The following SCAPER variants were observed in gnomAD, a reference collection of about 807,000 sequenced individuals.
SCAPER encodes S-phase cyclin A associated protein in the ER.
In SCAPER, 98 loss-of-function variants were observed where a neutral mutation model predicts 182.2. The ratio of observed to expected loss-of-function variants is 0.54; its 90% CI spans 0.46 to 0.64. SCAPER has a LOEUF of 0.64. Ranked by LOEUF, SCAPER falls within the 30% of genes least tolerant of loss-of-function variation. The pLI is 0.00. For synonymous variants in SCAPER, 605 were observed against 564.6 expected, an observed-to-expected ratio of 1.07 and a Z score of -1.01; for missense variants, 1,432 against 1,690.0, an observed-to-expected ratio of 0.85 and a Z score of 2.68.
At position 76,841,751 on chromosome 15, in the gene SCAPER, T is replaced by A; in HGVS notation, c.376A>T (p.Ser126Cys). Residue 126 changes from serine (S) to cysteine (C), a missense_variant, in exon 5 of 32, where the codon AGT (serine) becomes TGT (cysteine). Coordinates refer to ENST00000563290, the MANE Select transcript of SCAPER (RefSeq NM_020843.4). ...AACCTTACCTTACATTCGACCACAC[T>A]CTGATCTGATTCGCAAGTTACATAG... ...EIYVTCESDQ[S>C]VVECKEVLMM... 1 of 1,613,866 alleles carries A rather than the reference T, an allele frequency of 6.2e-7. No homozygotes were observed.
intron 8 of SCAPER, chr15:76,793,200 C>T: frequency 3.5e-6 from 4 of 1,150,556 alleles, no homozygotes; most frequent in Non-Finnish European, 5.0e-6. Context: ...AGTTCTATAG[C>T]TACTGTTATT....
At chr15:76,854,424 G>A (rs1204180000) in intron 4 of SCAPER, among the ~76,000 whole-genome samples, 1 of 152,004 alleles carries the variant, frequency 6.6e-6, no homozygotes. Flanking sequence ...ATCTCCACAA[G>A]AAGAATTACA....
At chr15:76,673,346 G>A (rs1371735588) in intron 20 of SCAPER, among the ~76,000 whole-genome samples, 1 of 152,116 alleles carries the variant, frequency 6.6e-6, no homozygotes, top group Admixed American at 6.5e-5. Context: ...TAATGCTGGT[G>A]TCTCAGATTT....
intron 29 of SCAPER, among the ~76,000 whole-genome samples, chr15:76,359,234 T>C (rs2041227936): frequency 6.7e-6 from 1 of 150,060 alleles, no homozygotes; most frequent in South Asian, 2.2e-4. Context: ...CATCTCTCCA[T>C]AAGGACTACT....
chr15:76,600,352 A>G lies in SCAPER; in HGVS notation c.2711+21412T>C, dbSNP rs187894557. Among the ~76,000 whole-genome samples the G allele has an allele frequency of 2.9e-3, 341 of 117,774 alleles. 39 individuals carry two copies. The highest frequency in any genetic ancestry group is 8.0e-3 in the African/African-American group (313 of 39,152). 77.3% of individuals were successfully genotyped at this position (117,774 alleles called of 152,430 possible). The stretch of plus-strand genomic sequence containing the variant: ...TATAAACTTAAAATTAAGCAAAACT[A>G]ATAGAAAAATAGCATACTTGGAAAG... On this transcript the variant is annotated intron_variant, in intron 22 of 31. Coordinates refer to ENST00000563290, the MANE Select transcript of SCAPER (RefSeq NM_020843.4).
chr15:76,523,587 G>A (rs987313413), intron 23 of SCAPER, among the ~76,000 whole-genome samples: 6 of 151,860 alleles, frequency 4.0e-5, no homozygotes, highest in Admixed American at 3.9e-4. Context: ...AACATTTTTG[G>A]GCATCCACCC....
At chr15:76,765,202 T>C in intron 13 of SCAPER, 130 bp from the exon 14 acceptor site, 2 of 1,029,548 alleles carry the variant, frequency 1.9e-6, no homozygotes, top group South Asian at 3.4e-5. Flanking sequence ...GGGAAAGCTT[T>C]GTTACTTTTC....
intron 22 of SCAPER, among the ~76,000 whole-genome samples, chr15:76,607,929 T>C (rs1161913207): frequency 6.6e-6 from 1 of 152,172 alleles, no homozygotes; most frequent in Non-Finnish European, 1.5e-5. Context: ...TAATTTTTTT[T>C]CAAAGCTTTT....
Position 76,471,339 on chromosome 15 carries a change from AAAG to A in SCAPER, c.2955-7_2955-5del, listed in dbSNP as rs764635152. The A allele has an allele frequency of 3.8e-6, 6 of 1,597,320 alleles. No homozygotes were observed. The South Asian group carries it at 6.8e-5, about 18-fold the overall frequency. On this transcript the variant is annotated splice_polypyrimidine_tract_variant and splice_region_variant and intron_variant, in intron 24 of 31. Transcript: ENST00000563290. Reference sequence around the variant, plus strand: ...ATTGATTGCATTGCAGAGAGACCTAAAAGAAGGAGAAAAACACCATTTATAAAA... The same window carrying A: ...ATTGATTGCATTGCAGAGAGACCTAAAAGGAGAAAAACACCATTTATAAAA...
At chr15:76,819,082 G>T (rs985025650) in intron 5 of SCAPER, among the ~76,000 whole-genome samples, 1 of 152,198 alleles carries the variant, frequency 6.6e-6, no homozygotes, top group Non-Finnish European at 1.5e-5. Context: ...TAAACAAAGC[G>T]GCCAGGAAGC....
chr15:76,901,627 ATTACT>A (rs1386207427), intron 1 of SCAPER, among the ~76,000 whole-genome samples: 8 of 152,232 alleles, frequency 5.3e-5, no homozygotes, highest in Admixed American at 3.3e-4. Flanking sequence ...AAATGAACGT[ATTACT>A]TTAAGAAGTT....
intron 24 of SCAPER, among the ~76,000 whole-genome samples, chr15:76,501,442 T>C (rs193237025): frequency 1.3e-5 from 2 of 151,576 alleles, no homozygotes; most frequent in African/African-American, 2.4e-5. Context: ...TGACGTACTA[T>C]GTGAAGTAAA....
chr15:76,796,912 A>C (rs752788125), intron 7 of SCAPER, among the ~76,000 whole-genome samples: 1 of 152,256 alleles, frequency 6.6e-6, no homozygotes, highest in African/African-American at 2.4e-5. Flanking sequence ...ACTTGAAAGC[A>C]AAAGTTAGAT....
At chr15:76,625,188 T>C (rs1338589291) in intron 21 of SCAPER, among the ~76,000 whole-genome samples, 1 of 152,034 alleles carries the variant, frequency 6.6e-6, no homozygotes. Flanking sequence ...TCTGGTGGTA[T>C]GTGTAGGTGC....
chr15:76,370,336 C>T (rs2042085663), intron 29 of SCAPER, among the ~76,000 whole-genome samples: 2 of 132,152 alleles, frequency 1.5e-5, no homozygotes, highest in Admixed American at 7.8e-5. Context: ...ACAGAGTCTT[C>T]CTCTGTCGCC....
intron 15 of SCAPER, among the ~76,000 whole-genome samples, chr15:76,740,985 A>G (rs2061509561): frequency 2.6e-5 from 4 of 152,176 alleles, no homozygotes. Flanking sequence ...GAAATTGAAT[A>G]AATACAACTC....
intron 1 of SCAPER, among the ~76,000 whole-genome samples, chr15:76,899,159 T>G (rs1293032885): frequency 2.0e-5 from 3 of 152,072 alleles, no homozygotes; most frequent in Non-Finnish European, 2.9e-5. Flanking sequence ...GCTCTCCCTC[T>G]CCCTCTCGCT....
At chr15:76,550,921 T>C (rs1163793121) in intron 23 of SCAPER, among the ~76,000 whole-genome samples, 1 of 152,160 alleles carries the variant, frequency 6.6e-6, no homozygotes, top group Non-Finnish European at 1.5e-5. Flanking sequence ...TCTCAAAAGA[T>C]GACGTACAAA....
chr15:76,532,615 G>A lies in SCAPER; in HGVS notation c.2839-27641C>T, dbSNP rs185177398. ...TAATTTTTTCAGAAAGTAATCTGAG[G>A]GCCTATATTTCTCACTGCAATCTCT... On this transcript the variant is annotated intron_variant, in intron 23 of 31. Transcript: ENST00000563290. Among the ~76,000 whole-genome samples, 3 of 151,994 alleles carry A rather than the reference G, an allele frequency of 2.0e-5. No homozygotes were observed. The East Asian group carries it at 5.8e-4, about 29-fold the overall frequency.
Sources: allele counts gnomAD v4.1 joint callset (sites outside exome capture counted in the v4.1 genomes callset), GRCh38; gene constraint gnomAD v4.1.1; transcripts MANE v1.5; gene names NCBI Gene and HGNC (gene_info 2026-07-23, HGNC 2026-07-21).